EYS: variants seen among roughly 807,000 people sequenced by gnomAD.
EYS encodes the protein protein eyes shut homolog.
EYS carries 250 observed loss-of-function variants against 282.1 expected under a neutral mutation model. The observed-to-expected ratio is 0.89, with a 90% CI of 0.80 to 0.98. The LOEUF (loss-of-function observed/expected upper bound fraction) is 0.98, where lower values mean the gene tolerates loss of function less well. Among genes scored for constraint, EYS ranks in the 50% least tolerant of loss-of-function variants. EYS has a pLI of 0.00. For synonymous variants in EYS, 1,355 were observed against 1,282.9 expected, an observed-to-expected ratio of 1.06 and a Z score of -1.20; for missense variants, 4,016 against 3,709.0, an observed-to-expected ratio of 1.08 and a Z score of -2.15.
At chr6:63,848,056 G>T (rs1202021003) in intron 36 of EYS, among the ~76,000 whole-genome samples, 1 of 151,998 alleles carries the variant, frequency 6.6e-6, no homozygotes, top group Non-Finnish European at 1.5e-5. Flanking sequence ...GAGTAAAAGT[G>T]GTTTCTGCTT....
In EYS at chr6:64,282,597, C is replaced by A. The variant is rs532974648; in HGVS notation, c.6191+24373G>T. Among the ~76,000 whole-genome samples the A allele has an allele frequency of 2.6e-5, 4 of 152,218 alleles. No homozygotes were observed. In the East Asian group the frequency reaches 7.7e-4, roughly 29 times the overall value. On this transcript the variant is annotated intron_variant, in intron 30 of 42. Transcript: ENST00000503581. Reference sequence around the variant, plus strand: ...TTTCCTAAACATTCTGGGAGAGAAACAAGCTATTCTTGTGTCCTCTTGGAA... The same window carrying A: ...TTTCCTAAACATTCTGGGAGAGAAAAAAGCTATTCTTGTGTCCTCTTGGAA...
At chr6:63,763,870 TTATATATATATATATA>T (rs55668347) in intron 40 of EYS, among the ~76,000 whole-genome samples, 3,849 of 129,668 alleles carry the variant, frequency 0.03, 122 homozygotes, top group South Asian at 0.11. Context: ...TTATATCTTG[TTATATATATATATATA>T]TATATATATA....
intron 13 of EYS, among the ~76,000 whole-genome samples, chr6:65,046,876 C>T (rs1773118540): frequency 6.6e-6 from 1 of 151,768 alleles, no homozygotes; most frequent in Non-Finnish European, 1.5e-5. Context: ...GCTTTCGTCA[C>T]CCCTTTGTGA....
chr6:64,932,685 G>T (rs1768765730), intron 15 of EYS, among the ~76,000 whole-genome samples: 1 of 151,932 alleles, frequency 6.6e-6, no homozygotes, highest in Non-Finnish European at 1.5e-5. Context: ...ATAAAGTACA[G>T]TTGTAAACTG....
intron 36 of EYS, among the ~76,000 whole-genome samples, chr6:63,837,468 C>A (rs1771838651): frequency 1.3e-5 from 2 of 151,900 alleles, no homozygotes; most frequent in Admixed American, 1.3e-4. Flanking sequence ...GAACAAGACC[C>A]CAGAAAGGGG....
At chr6:64,760,993 AC>A in intron 22 of EYS, among the ~76,000 whole-genome samples, 1 of 152,320 alleles carries the variant, frequency 6.6e-6, no homozygotes, top group Admixed American at 6.5e-5. Flanking sequence ...GATAACTTTT[AC>A]TAAAAAAATT....
At chr6:65,273,728 T>G (rs1367175769) in intron 12 of EYS, among the ~76,000 whole-genome samples, 1 of 152,246 alleles carries the variant, frequency 6.6e-6, no homozygotes, top group Non-Finnish European at 1.5e-5. Flanking sequence ...TGCTATACGT[T>G]ACGTGACATA....
At chr6:64,112,514 A>G (rs758742651) in intron 31 of EYS, among the ~76,000 whole-genome samples, 1 of 151,828 alleles carries the variant, frequency 6.6e-6, no homozygotes, top group Non-Finnish European at 1.5e-5. Context: ...AAATTATTAA[A>G]TCAAGTTAGT....
intron 8 of EYS, among the ~76,000 whole-genome samples, chr6:65,362,467 G>T (rs981642798): frequency 6.6e-6 from 1 of 151,830 alleles, no homozygotes; most frequent in African/African-American, 2.4e-5. Flanking sequence ...ATGTATTTAT[G>T]TGCATGTGTA....
intron 22 of EYS, among the ~76,000 whole-genome samples, chr6:64,744,579 T>A (rs1446600598): frequency 6.6e-6 from 1 of 152,176 alleles, no homozygotes. Flanking sequence ...GCATTTATAT[T>A]AACAAAATTA....
intron 13 of EYS, among the ~76,000 whole-genome samples, chr6:65,032,034 G>A (rs1772620600): frequency 1.3e-5 from 2 of 151,702 alleles, no homozygotes; most frequent in Non-Finnish European, 2.9e-5. Context: ...TGACAAAAGG[G>A]ACATAACCAC....
chr6:65,010,490 T>G (rs1026309797), intron 13 of EYS, among the ~76,000 whole-genome samples: 2 of 152,224 alleles, frequency 1.3e-5, no homozygotes, highest in South Asian at 2.1e-4. Flanking sequence ...AGAACATAAC[T>G]GTCAACAAGT....
intron 14 of EYS, among the ~76,000 whole-genome samples, chr6:64,983,613 G>T (rs984033982): frequency 2.0e-5 from 3 of 151,212 alleles, no homozygotes; most frequent in African/African-American, 4.8e-5. Context: ...CCCATTTAAG[G>T]ATTTCTCCTA....
intron 30 of EYS, among the ~76,000 whole-genome samples, chr6:64,295,199 C>A (rs946816280): frequency 6.7e-6 from 1 of 150,360 alleles, no homozygotes; most frequent in African/African-American, 2.5e-5. Context: ...ATGGTGAAAC[C>A]CCGTCTCTAC....
At chr6:63,895,692 G>A (rs1177548764) in intron 35 of EYS, among the ~76,000 whole-genome samples, 1 of 151,886 alleles carries the variant, frequency 6.6e-6, no homozygotes, top group African/African-American at 2.4e-5. Context: ...TCCCTTGCTT[G>A]CCTTACATAC....
At chr6:64,248,054 G>A (rs982960838) in intron 30 of EYS, among the ~76,000 whole-genome samples, 5 of 152,180 alleles carry the variant, frequency 3.3e-5, no homozygotes, top group Non-Finnish European at 5.9e-5. Flanking sequence ...GGAGAAGAAG[G>A]AGAGGCAAAG....
At chr6:64,942,897 T>G (rs985994697) in intron 15 of EYS, among the ~76,000 whole-genome samples, 1 of 148,612 alleles carries the variant, frequency 6.7e-6, no homozygotes, top group African/African-American at 2.5e-5. Context: ...ACCAGTATTA[T>G]CGAGATACCA....
intron 24 of EYS, 34 bp downstream of exon 24, chr6:64,617,384 A>T (rs1178298019): frequency 1.5e-6 from 2 of 1,373,546 alleles, no homozygotes; most frequent in East Asian, 5.0e-5. Context: ...GAGAATAAAA[A>T]ATTATTACAA....
intron 16 of EYS, among the ~76,000 whole-genome samples, chr6:64,910,890 C>T (rs935964529): frequency 1.6e-4 from 25 of 151,982 alleles, no homozygotes; most frequent in Non-Finnish European, 3.1e-4. Context: ...GCCCACTTTG[C>T]AGAAAATTAT....
Sources: allele counts gnomAD v4.1 joint callset (sites outside exome capture counted in the v4.1 genomes callset), GRCh38; gene constraint gnomAD v4.1.1; transcripts MANE v1.5; gene names NCBI Gene and HGNC (gene_info 2026-07-23, HGNC 2026-07-21).